Variants in AKNA observed in about 807,000 individuals in gnomAD.
AKNA encodes the protein microtubule organization protein AKNA.
In AKNA, 67 loss-of-function variants were observed where a neutral mutation model predicts 138.8. The observed-to-expected ratio is 0.48, with a 90% CI of 0.40 to 0.59. The LOEUF (loss-of-function observed/expected upper bound fraction) is 0.59. AKNA is among the 20% of genes least tolerant of loss of function. The pLI, the probability that AKNA is intolerant of heterozygous loss-of-function variation, is 0.00. For synonymous variants in AKNA, 737 were observed against 754.4 expected (o/e 0.98, Z 0.38); for missense variants, 1,813 against 1,880.4 (o/e 0.96, Z 0.66).
chr9:114,363,003 C>G (rs1184511666), intron 7 of AKNA, among the ~76,000 whole-genome samples: 2 of 152,254 alleles, frequency 1.3e-5, no homozygotes, highest in African/African-American at 4.8e-5. Flanking sequence ...ATGTTATCAT[C>G]ACCATCACAT....
At chr9:114,359,537 A>G in intron 11 of AKNA, 57 bp downstream of exon 11, 1 of 1,613,284 alleles carries the variant, frequency 6.2e-7, no homozygotes, top group Non-Finnish European at 8.5e-7. Context: ...GACAGTGATC[A>G]TCCCTGTGGT....
rs1833660075 is a variant in AKNA, at chr9:114,381,348, G to T, written c.-15C>A. On this transcript the variant is annotated 5_prime_UTR_variant, in exon 2 of 22. Coordinates refer to ENST00000374088, the MANE Select transcript of AKNA (RefSeq NM_001317950.2). ...GAGCTGGCCATTGGGGCTGGCCTGG[G>T]CTTCACCTGGGCCACTTCATCTTCA... The T allele has an allele frequency of 6.5e-7, 1 of 1,548,036 alleles. No individual in the cohort carries two copies. The highest frequency in any genetic ancestry group is 8.7e-7 in the Non-Finnish European group (1 of 1,146,840).
chr9:114,389,483 G>T (rs1834252625), upstream of AKNA, among the ~76,000 whole-genome samples: 1 of 152,122 alleles, frequency 6.6e-6, no homozygotes, highest in Admixed American at 6.5e-5. Context: ...CCCATCTCCT[G>T]CTGGCCCTGA....
Position 114,376,939 on chromosome 9 carries a change from G to A in AKNA, c.868C>T (p.Pro290Ser), listed in dbSNP as rs770755515. Residue 290 changes from proline to serine, a missense_variant, in exon 3 of 22, where the codon CCT (proline) becomes TCT (serine). Transcript: ENST00000374088. Reference sequence around the variant, plus strand: ...TTCCAGATGTGTTCCTTGGGCTGAGGGCAGAAGAATCTGGTCGTTTCTCTC... The same window carrying A: ...TTCCAGATGTGTTCCTTGGGCTGAGAGCAGAAGAATCTGGTCGTTTCTCTC... ...WRRETTRFFC[P>S]QPKEHIWKQT... The A allele has an allele frequency of 6.8e-6, 11 of 1,614,126 alleles. No individual in the cohort carries two copies. The highest frequency in any genetic ancestry group is 1.3e-5 in the African/African-American group (1 of 74,948).
At position 114,343,794 on chromosome 9, in the gene AKNA, T is replaced by C; in HGVS notation, c.3671A>G (p.Tyr1224Cys). Residue 1224 changes from tyrosine to cysteine, a missense_variant, in exon 19 of 22, where the codon TAC (tyrosine) becomes TGC (cysteine). Tyr to Cys is a radical substitution (Grantham distance 194). Coordinates refer to ENST00000374088, the MANE Select transcript of AKNA (RefSeq NM_001317950.2). ...GACCGCCTTAGGGGACAGAACATGG[T>C]ATTCGTGGCCTGGGGAAAGAAACCA... ...TFRGQYTGHEYHVLSPKAVPK... is the reference protein window; with the variant it reads ...TFRGQYTGHECHVLSPKAVPK... 2 of 1,607,302 alleles carry C rather than the reference T, an allele frequency of 1.2e-6. No individual in the cohort carries two copies. The highest frequency in any genetic ancestry group is 2.2e-5 in the South Asian group (2 of 90,946).
In AKNA at chr9:114,355,956, G is replaced by A. The variant is rs778280922; in HGVS notation, c.3027C>T (p.Phe1009=). The A allele has an allele frequency of 6.2e-7, 1 of 1,614,234 alleles. No individual in the cohort carries two copies. Among genetic ancestry groups the A allele is most frequent in the Non-Finnish European group, 8.5e-7 (1 of 1,180,038 alleles). ...CGGCTGCCAGTGTCCGCTCCAGGCT[G>A]AAGTTGGGTGCCCTCTGCCGGAGAG... ...SGPLRQRAPN[F]SLERTLAAEM... is the part of the protein sequence containing the mutation. The change falls in exon 14 of 22, where the codon TTC becomes TTT. Residue 1009 remains phenylalanine (F), a synonymous_variant. Coordinates refer to ENST00000374088, the MANE Select transcript of AKNA (RefSeq NM_001317950.2).
intron 3 of AKNA, among the ~76,000 whole-genome samples, chr9:114,374,847 G>A (rs977827861): frequency 6.6e-6 from 1 of 152,162 alleles, no homozygotes; most frequent in African/African-American, 2.4e-5. Context: ...AGGACAGAAC[G>A]GAACATCTCG....
At chr9:114,391,624 G>A (rs961589269), upstream of AKNA, among the ~76,000 whole-genome samples, 12 of 152,042 alleles carry the variant, frequency 7.9e-5, no homozygotes, top group African/African-American at 1.4e-4. Context: ...TGAGGTGGGC[G>A]GATCACCTGA....
At chr9:114,376,265 G>A (rs1204893092) in intron 3 of AKNA, 2 of 536,474 alleles carry the variant, frequency 3.7e-6, no homozygotes, top group Non-Finnish European at 6.8e-6. Flanking sequence ...CCATCCCAGG[G>A]CTTCCCACCC....
intron 15 of AKNA, among the ~76,000 whole-genome samples, chr9:114,350,553 G>A (rs1203675720): frequency 1.3e-5 from 2 of 152,220 alleles, no homozygotes; most frequent in Non-Finnish European, 2.9e-5. Flanking sequence ...AGAAAAGATA[G>A]CCCTAGAAAG....
chr9:114,381,114 G>A lies in AKNA; in HGVS notation c.220C>T (p.His74Tyr). The A allele has an allele frequency of 1.9e-6, 3 of 1,610,622 alleles. No individual in the cohort carries two copies. Among genetic ancestry groups the A allele is most frequent in the Non-Finnish European group, 2.5e-6 (3 of 1,178,672 alleles). The change falls in exon 2 of 22, where the codon CAC becomes TAC. Residue 74 changes from histidine to tyrosine, a missense_variant. Transcript: ENST00000374088. The stretch of plus-strand genomic sequence containing the variant: ...TCCTGATGCCCATCGGGCTGCGGGT[G>A]TGGGTCCCACTCCAGGGGCGGCAGG... ...QHLPPLEWDP[H>Y]PQPDGHQDSE...
At chr9:114,351,074 A>G in intron 14 of AKNA, 53 bp from the exon 15 acceptor site, 1 of 1,562,386 alleles carries the variant, frequency 6.4e-7, no homozygotes, top group Admixed American at 1.8e-5. Context: ...AGAACTTCCA[A>G]GCTCACACTT....
rs1259169850 is a variant in AKNA, at chr9:114,356,179, GT to G, written c.2847-44del. ...AAGGGACACACAGGGGTCACACAGAGTGAGACACTCAGGCGGCAGCATCTGA... is the reference window on the plus strand; with the variant it reads ...AAGGGACACACAGGGGTCACACAGAGGAGACACTCAGGCGGCAGCATCTGA... On this transcript the variant is annotated intron_variant, in intron 13 of 21. Coordinates refer to ENST00000374088, the MANE Select transcript of AKNA (RefSeq NM_001317950.2). The G allele has an allele frequency of 1.9e-6, 3 of 1,566,958 alleles. No homozygotes were observed. The African/African-American group carries it at 4.1e-5, about 21-fold the overall frequency.
upstream of AKNA, chr9:114,388,182 G>T (rs1834183795): frequency 4.6e-6 from 1 of 217,190 alleles, no homozygotes; most frequent in African/African-American, 2.3e-5. Flanking sequence ...AGTCAGCGCT[G>T]CCCAGGAAAG....
At position 114,377,181 on chromosome 9, in the gene AKNA, T is replaced by C; in HGVS notation, c.626A>G (p.Asp209Gly). ...AGAATCAAGGCTGTCACTAGGGTGG[T>C]CGAGGCTCACTGTCCCACTGCTCCA... The part of the protein sequence containing the change: ...RSWSSGTVSL[D>G]HPSDSLDSTW... Residue 209 changes from aspartate to glycine, a missense_variant, in exon 3 of 22, where the codon GAC becomes GGC. Physicochemically the swap from Asp to Gly is moderately conservative, Grantham distance 94 (BLOSUM62 -1). Coordinates refer to ENST00000374088, the MANE Select transcript of AKNA (RefSeq NM_001317950.2). 1.2e-6 allele frequency: 2 copies of C among 1,614,152 alleles called. No individual in the cohort carries two copies. The highest frequency in any genetic ancestry group is 8.5e-7 in the Non-Finnish European group (1 of 1,180,020).
At position 114,381,261 on chromosome 9, in the gene AKNA, C is replaced by T. The variant is rs761046980; in HGVS notation, c.73G>A (p.Ala25Thr). The T allele has an allele frequency of 1.2e-6, 2 of 1,613,336 alleles. No homozygotes were observed. Among genetic ancestry groups the T allele is most frequent in the Admixed American group, 1.7e-5 (1 of 59,972 alleles). Residue 25 changes from alanine to threonine, a missense_variant, in exon 2 of 22, where the codon GCC becomes ACC. Transcript: ENST00000374088. ...ACATCCCTCTTGTCCTCGGCCCAGG[C>T]CCAGCGCCGCCGCTGGGGGCCCTTC... The part of the protein sequence containing the change: ...LGKGPQRRRW[A>T]WAEDKRDVDR...
At chr9:114,357,514 AGTGTGT>A (rs10534471) in intron 12 of AKNA, among the ~76,000 whole-genome samples, 2 of 151,056 alleles carry the variant, frequency 1.3e-5, no homozygotes, top group African/African-American at 4.8e-5. Context: ...GGACTACAGA[AGTGTGT>A]GTGTGTGTGT....
At position 114,373,683 on chromosome 9, in the gene AKNA, A is replaced by C. The variant is rs182969460; in HGVS notation, c.1416+410T>G. On this transcript the variant is annotated intron_variant, in intron 4 of 21. Coordinates refer to ENST00000374088, the MANE Select transcript of AKNA (RefSeq NM_001317950.2). ...CACTTGAGCCCAGGAGTTCAAGACCAGCTTGGGCAACAAAGTAAGACCCCG... is the reference window on the plus strand; with the variant it reads ...CACTTGAGCCCAGGAGTTCAAGACCCGCTTGGGCAACAAAGTAAGACCCCG... 1.7e-4 allele frequency among the ~76,000 whole-genome samples: 26 copies of C among 151,620 alleles called. No homozygotes were observed. In the East Asian group the frequency reaches 4.9e-3, roughly 28 times the overall value.
rs188442412 is a variant in AKNA at position 114,365,934 on chromosome 9, T to C, written c.1729-1315A>G. 8.0e-4 allele frequency among the ~76,000 whole-genome samples: 122 copies of C among 152,304 alleles called. No homozygotes were observed. The Middle Eastern group carries it at 0.014, about 17-fold the overall frequency. On this transcript the variant is annotated intron_variant, in intron 6 of 21. Coordinates refer to ENST00000374088, the MANE Select transcript of AKNA (RefSeq NM_001317950.2). ...TCAGTGTGATGATTTGACATTGCTT[T>C]ATTTTGTGGACAACATATAGGACGA...
Sources: gnomAD v4.1 joint callset for allele counts (sites outside exome capture counted in the v4.1 genomes callset) on GRCh38, gnomAD v4.1.1 for gene constraint, MANE v1.5 for transcripts, NCBI Gene and HGNC (gene_info 2026-07-23, HGNC 2026-07-21) for gene names.